Variants in PCSK5 observed in about 807,000 individuals in gnomAD.
The protein encoded by PCSK5 is prohormone convertase 5.
Under a neutral mutation model 233.2 loss-of-function variants are expected in PCSK5, and 129 were observed. That is an observed-to-expected ratio of 0.55 (90% CI 0.48 to 0.64). The LOEUF is 0.64. Ranked by LOEUF, PCSK5 falls within the 30% of genes least tolerant of loss-of-function variation. The pLI is 0.00. For missense variants in PCSK5, 2,076 were observed against 2,430.1 expected, an observed-to-expected ratio of 0.85 and a Z score of 3.06; for synonymous variants, 825 against 879.2, an observed-to-expected ratio of 0.94 and a Z score of 1.09.
chr9:76,234,296 A>G (rs1489759522), intron 22 of PCSK5, among the ~76,000 whole-genome samples: 1 of 152,156 alleles, frequency 6.6e-6, no homozygotes, highest in Non-Finnish European at 1.5e-5. Flanking sequence ...TTGAAAATTC[A>G]AAAGATCTGC....
intron 5 of PCSK5, among the ~76,000 whole-genome samples, chr9:76,048,553 C>G (rs1829506984): frequency 6.6e-6 from 1 of 152,176 alleles, no homozygotes; most frequent in African/African-American, 2.4e-5. Context: ...AGCTCTAGGA[C>G]TTGGTTTCAG....
intron 2 of PCSK5, among the ~76,000 whole-genome samples, chr9:75,984,535 A>G (rs1404933477): frequency 1.3e-5 from 2 of 152,224 alleles, no homozygotes; most frequent in Non-Finnish European, 2.9e-5. Flanking sequence ...GATAATACTT[A>G]TAGACAGTAA....
chr9:76,185,306 C>T (rs182557899), intron 17 of PCSK5, among the ~76,000 whole-genome samples: 47 of 152,182 alleles, frequency 3.1e-4, no homozygotes, highest in Non-Finnish European at 5.9e-4. Context: ...AGTTGGTCAA[C>T]TCTCTAAGAG....
intron 2 of PCSK5, among the ~76,000 whole-genome samples, chr9:75,948,767 A>T (rs1472730534): frequency 6.6e-6 from 1 of 151,652 alleles, no homozygotes; most frequent in South Asian, 2.1e-4. Context: ...ACTAATTTCC[A>T]CTCCCACCAA....
At chr9:76,066,231 C>T (rs949179823) in intron 5 of PCSK5, among the ~76,000 whole-genome samples, 1 of 152,086 alleles carries the variant, frequency 6.6e-6, no homozygotes. Flanking sequence ...GTAGTATGAA[C>T]ATTTTAGCAA....
intron 5 of PCSK5, among the ~76,000 whole-genome samples, chr9:76,040,395 C>CTATG (rs1563988690): frequency 8.9e-6 from 1 of 111,924 alleles, no homozygotes. Flanking sequence ...GTCTCTCTCT[C>CTATG]TCTCTCTCTC....
intron 5 of PCSK5, among the ~76,000 whole-genome samples, chr9:76,038,907 T>C (rs1029040): frequency 0.079 from 12,048 of 152,216 alleles, 1,504 homozygotes; most frequent in African/African-American, 0.26. Context: ...TTGATTTTTA[T>C]ATCAAATTGT....
chr9:76,315,568 A>C (rs1264926309), intron 30 of PCSK5, among the ~76,000 whole-genome samples: 1 of 152,206 alleles, frequency 6.6e-6, no homozygotes, highest in Admixed American at 6.5e-5. Flanking sequence ...TAAAGCACTA[A>C]GAAAAACAGT....
chr9:75,983,300 T>C (rs1826360477), intron 2 of PCSK5, among the ~76,000 whole-genome samples: 2 of 152,200 alleles, frequency 1.3e-5, no homozygotes, highest in East Asian at 1.9e-4. Context: ...ACATTTTTTT[T>C]CCTCCTATTG....
At chr9:76,134,281 C>G in intron 10 of PCSK5, 69 bp downstream of exon 10, 3 of 956,738 alleles carry the variant, frequency 3.1e-6, no homozygotes, top group African/African-American at 1.7e-5. Context: ...AAATGGAGAG[C>G]AGGAAACAGA....
chr9:76,043,365 C>T (rs1829216822), intron 5 of PCSK5, among the ~76,000 whole-genome samples: 1 of 142,946 alleles, frequency 7.0e-6, no homozygotes, highest in Admixed American at 7.1e-5. Flanking sequence ...AAAGTATTTT[C>T]GAGGTATTTA....
chr9:76,362,330 A>G lies in PCSK5; in HGVS notation c.*3408A>G, dbSNP rs1830443073. On this transcript the variant is annotated 3_prime_UTR_variant, in exon 38 of 38. Coordinates refer to ENST00000674117, the MANE Select transcript of PCSK5 (RefSeq NM_001372043.1). ...ATTTTAAAATTGGAAATAAAATTAA[A>G]TCAAGACCAGATAATGCTATGGAGA... 6.6e-6 allele frequency: 1 copy of G among 152,244 alleles called. No individual in the cohort carries two copies. 9.4% of individuals were successfully genotyped at this position (152,244 alleles called of 1,614,324 possible).
chr9:76,152,389 T>G (rs1823710805), intron 10 of PCSK5, among the ~76,000 whole-genome samples: 1 of 152,196 alleles, frequency 6.6e-6, no homozygotes, highest in Admixed American at 6.5e-5. Flanking sequence ...GTTACTAAGT[T>G]GCATTTTTTC....
At chr9:76,246,907 G>T (rs1826624535) in intron 24 of PCSK5, among the ~76,000 whole-genome samples, 1 of 152,210 alleles carries the variant, frequency 6.6e-6, no homozygotes, top group Admixed American at 6.5e-5. Context: ...ATGGCGGCAG[G>T]CCGCTTCCAA....
chr9:76,063,981 G>A (rs534109266), intron 5 of PCSK5, among the ~76,000 whole-genome samples: 3 of 80,584 alleles, frequency 3.7e-5, no homozygotes, highest in African/African-American at 1.6e-4. Context: ...CCTCCCTCCC[G>A]GACAGGGCGG....
chr9:76,191,453 T>C (rs1278983598), intron 20 of PCSK5, among the ~76,000 whole-genome samples: 2 of 149,462 alleles, frequency 1.3e-5, no homozygotes, highest in Non-Finnish European at 3.0e-5. Context: ...ATGAAGAAGA[T>C]AATACTACTG....
chr9:76,226,802 GA>G (rs1274771525), intron 20 of PCSK5, among the ~76,000 whole-genome samples: 1 of 152,178 alleles, frequency 6.6e-6, no homozygotes, highest in African/African-American at 2.4e-5. Flanking sequence ...CTTTCCATGA[GA>G]TTGGCCTCCC....
intron 23 of PCSK5, among the ~76,000 whole-genome samples, chr9:76,239,492 C>T (rs1338144126): frequency 1.3e-5 from 2 of 151,886 alleles, no homozygotes; most frequent in East Asian, 1.9e-4. Context: ...GCCAGGAGTT[C>T]GAGACCAGCC....
intron 1 of PCSK5, among the ~76,000 whole-genome samples, chr9:75,916,339 C>T (rs1302996544): frequency 6.6e-6 from 1 of 152,144 alleles, no homozygotes; most frequent in Admixed American, 6.5e-5. Flanking sequence ...AGCGGTGCCT[C>T]AGTGTTATTA....
Sources: allele counts gnomAD v4.1 joint callset (sites outside exome capture counted in the v4.1 genomes callset), GRCh38; gene constraint gnomAD v4.1.1; transcripts MANE v1.5; gene names NCBI Gene and HGNC (gene_info 2026-07-23, HGNC 2026-07-21).